PUM2: variants seen among roughly 807,000 people sequenced by gnomAD.
The protein encoded by PUM2 is pumilio homolog 2.
A neutral mutation model predicts 124.5 loss-of-function variants in PUM2; 57 were observed. That is an observed-to-expected ratio of 0.46 (90% confidence interval 0.37 to 0.57). The LOEUF (loss-of-function observed/expected upper bound fraction) is 0.57. PUM2 is among the 20% of genes least tolerant of loss of function. The pLI is 0.00. For synonymous variants in PUM2, 460 were observed against 446.1 expected (o/e 1.03, Z -0.39); for missense variants, 1,065 against 1,290.6 (o/e 0.83, Z 2.68).
chr2:20,290,553 G>C (rs748961349), intron 10 of PUM2, 99 bp downstream of exon 10: 18 of 1,292,516 alleles, frequency 1.4e-5, no homozygotes, highest in South Asian at 1.7e-5. Context: ...AGGTAGGCAA[G>C]ATTTTAAATA....
At chr2:20,277,930 G>A (rs1368814609) in intron 13 of PUM2, among the ~76,000 whole-genome samples, 1 of 151,858 alleles carries the variant, frequency 6.6e-6, no homozygotes, top group Non-Finnish European at 1.5e-5. Flanking sequence ...TCCTGGAGAG[G>A]GAAAAAAGGT....
Position 20,349,933 on chromosome 2 carries a change from T to C in PUM2, c.-19+664A>G, listed in dbSNP as rs544870917. The stretch of plus-strand genomic sequence containing the variant: ...AAACAACACTAACTTTTACACGTGT[T>C]TGGGCATGAAACTTTAAACATTTTC... On this transcript the variant is annotated intron_variant, in intron 1 of 20. Coordinates refer to ENST00000361078, the MANE Select transcript of PUM2 (RefSeq NM_015317.5). Among the ~76,000 whole-genome samples the C allele has an allele frequency of 3.9e-5, 6 of 152,354 alleles. No individual in the cohort carries two copies. In the South Asian group the frequency reaches 1.2e-3, roughly 32 times the overall value.
chr2:20,344,838 C>T (rs886810789), intron 1 of PUM2, among the ~76,000 whole-genome samples: 1 of 151,752 alleles, frequency 6.6e-6, no homozygotes, highest in Non-Finnish European at 1.5e-5. Flanking sequence ...AAAAAAATAG[C>T]AGGGCTTCGT....
chr2:20,315,854 AAAAAC>A (rs1482280215), intron 3 of PUM2, among the ~76,000 whole-genome samples: 3 of 151,362 alleles, frequency 2.0e-5, no homozygotes, highest in African/African-American at 7.3e-5. Flanking sequence ...AAAAAAAAAA[AAAAAC>A]AAACCAAAAA....
At chr2:20,316,055 TA>T (rs977368907) in intron 3 of PUM2, among the ~76,000 whole-genome samples, 1 of 152,066 alleles carries the variant, frequency 6.6e-6, no homozygotes, top group Non-Finnish European at 1.5e-5. Flanking sequence ...GAGTCTAACC[TA>T]ATATAGGTTA....
intron 13 of PUM2, among the ~76,000 whole-genome samples, chr2:20,274,714 G>GTTA (rs1037074850): frequency 1.5e-4 from 23 of 151,820 alleles, no homozygotes; most frequent in Admixed American, 4.6e-4. Context: ...GCAAGAAGCC[G>GTTA]TTAGTTTGTC....
At chr2:20,350,452 A>G in intron 1 of PUM2, 145 bp downstream of exon 1, 2 of 972,500 alleles carry the variant, frequency 2.1e-6, no homozygotes, top group Non-Finnish European at 2.4e-6. Flanking sequence ...AGCGGGCCCC[A>G]GGCCGCACCG....
At chr2:20,323,316 C>T (rs1682828163) in intron 2 of PUM2, among the ~76,000 whole-genome samples, 1 of 151,944 alleles carries the variant, frequency 6.6e-6, no homozygotes, top group Non-Finnish European at 1.5e-5. Flanking sequence ...GGCGTAGTGG[C>T]ACACGCCTGC....
At chr2:20,256,395 G>A (rs1485872444) in intron 16 of PUM2, among the ~76,000 whole-genome samples, 1 of 152,132 alleles carries the variant, frequency 6.6e-6, no homozygotes, top group African/African-American at 2.4e-5. Flanking sequence ...CCATTGAAAA[G>A]TGAAAATTAC....
At chr2:20,267,009 G>T (rs1278366914) in intron 13 of PUM2, among the ~76,000 whole-genome samples, 1 of 151,698 alleles carries the variant, frequency 6.6e-6, no homozygotes, top group Non-Finnish European at 1.5e-5. Context: ...TTTGAGTAAG[G>T]GACATCATGC....
chr2:20,264,391 T>TATATATATATATATATATAC (rs1553362410), intron 13 of PUM2, among the ~76,000 whole-genome samples: 1 of 117,300 alleles, frequency 8.5e-6, no homozygotes, highest in African/African-American at 3.4e-5. Flanking sequence ...TATATATATA[T>TATATATATATATATATATAC]ATATATTTGA....
Position 20,278,653 on chromosome 2 carries a change from T to A in PUM2, c.1887A>T (p.Gln629His). The A allele has an allele frequency of 6.2e-7, 1 of 1,613,574 alleles. No individual in the cohort carries two copies. The highest frequency in any genetic ancestry group is 8.5e-7 in the Non-Finnish European group (1 of 1,179,704). The part of the protein sequence containing the change: ...PSPIGMPLPS[Q>H]TPGHSLTPPP... ...GTGGCGTAAGTGAATGTCCTGGAGT[T>A]TGGCTTGGCAGAGGCATGCCTATTG... The change falls in exon 13 of 21, where the codon CAA (glutamine) becomes CAT (histidine). Residue 629 changes from glutamine to histidine, a missense_variant. By Grantham distance (24) the Gln-to-His change is conservative. Transcript: ENST00000361078.
intron 3 of PUM2, 106 bp downstream of exon 3, chr2:20,318,431 A>G: frequency 1.0e-6 from 1 of 982,890 alleles, no homozygotes; most frequent in South Asian, 1.6e-5. Context: ...GCAAAACTAT[A>G]CAAAAAATGC....
intron 1 of PUM2, 38 bp from the exon 2 acceptor site, chr2:20,327,416 T>G: frequency 3.9e-6 from 5 of 1,274,846 alleles, no homozygotes; most frequent in Non-Finnish European, 4.5e-6. Flanking sequence ...TACAAAGAAA[T>G]GTTTAAACAG....
At chr2:20,313,333 A>G (rs1680102409) in intron 3 of PUM2, among the ~76,000 whole-genome samples, 2 of 152,248 alleles carry the variant, frequency 1.3e-5, no homozygotes, top group Non-Finnish European at 2.9e-5. Context: ...ACACATCTTG[A>G]AAATACAGAC....
Position 20,350,652 on chromosome 2 carries a change from C to A in PUM2, c.-74G>T. 1.0e-6 allele frequency: 1 copy of A among 985,486 alleles called. No individual in the cohort carries two copies. Among genetic ancestry groups the A allele is most frequent in the Non-Finnish European group, 1.2e-6 (1 of 830,014 alleles). The allele number at this position is 985,486 out of a possible 1,614,324, so 61.0% of individuals were successfully genotyped here. ...GGGACACCGACCGTTGGGCACACGG[C>A]GGCGTCGCTCTTGGCGGTCCTCCCC... is the stretch of plus-strand genomic sequence containing the variant. On this transcript the variant is annotated 5_prime_UTR_variant, in exon 1 of 21. Transcript: ENST00000361078.
At chr2:20,295,078 G>A (rs1675188499) in intron 8 of PUM2, among the ~76,000 whole-genome samples, 2 of 152,062 alleles carry the variant, frequency 1.3e-5, no homozygotes, top group African/African-American at 4.8e-5. Flanking sequence ...AAACAAATGA[G>A]ACGTCAGCAT....
intron 15 of PUM2, 95 bp downstream of exon 15, chr2:20,260,242 T>C: frequency 1.6e-6 from 2 of 1,283,214 alleles, no homozygotes; most frequent in Non-Finnish European, 2.1e-6. Flanking sequence ...TCTTTTTTTA[T>C]ATGAAAATGA....
intron 13 of PUM2, among the ~76,000 whole-genome samples, chr2:20,269,367 AT>A (rs745706636): frequency 1.8e-3 from 269 of 151,170 alleles, no homozygotes; most frequent in Non-Finnish European, 3.2e-3. Context: ...CGCCCGGCTA[AT>A]TTTTTTTTAT....
Sources: allele counts gnomAD v4.1 joint callset (sites outside exome capture counted in the v4.1 genomes callset), GRCh38; gene constraint gnomAD v4.1.1; transcripts MANE v1.5; gene names NCBI Gene and HGNC (gene_info 2026-07-23, HGNC 2026-07-21).